Variants in NEK6 observed in about 807,000 individuals in gnomAD.
NEK6 encodes NIMA related kinase 6, also known as serine/threonine-protein kinase Nek6.
A neutral mutation model predicts 43.5 loss-of-function variants in NEK6; 27 were observed. The ratio of observed to expected loss-of-function variants is 0.62; its 90% CI spans 0.46 to 0.86. The LOEUF (loss-of-function observed/expected upper bound fraction) is 0.86, where lower values mean the gene tolerates loss of function less well. Among genes scored for constraint, NEK6 ranks in the 40% least tolerant of loss-of-function variants. The pLI is 0.00. For missense variants in NEK6, 318 were observed against 414.4 expected, an observed-to-expected ratio of 0.77 and a Z score of 2.02; for synonymous variants, 167 against 164.1, an observed-to-expected ratio of 1.02 and a Z score of -0.14.
intron 1 of NEK6, among the ~76,000 whole-genome samples, chr9:124,301,209 T>TG (rs1247549804): frequency 1.3e-5 from 2 of 152,076 alleles, no homozygotes; most frequent in Non-Finnish European, 2.9e-5. Flanking sequence ...GCTAAAATAT[T>TG]GGGGGAGATG....
chr9:124,272,691 C>T (rs756723853), intron 1 of NEK6, among the ~76,000 whole-genome samples: 21 of 152,366 alleles, frequency 1.4e-4, no homozygotes, highest in South Asian at 2.1e-4. Context: ...CCTAACGCTG[C>T]TGGTCATGGA....
At chr9:124,302,524 T>A (rs1181987801) in intron 2 of NEK6, among the ~76,000 whole-genome samples, 1 of 152,216 alleles carries the variant, frequency 6.6e-6, no homozygotes, top group African/African-American at 2.4e-5. Flanking sequence ...CCAGCAGAGT[T>A]TGGGAGAACA....
chr9:124,331,275 A>AC (rs1554854318), intron 7 of NEK6, among the ~76,000 whole-genome samples: 1 of 145,628 alleles, frequency 6.9e-6, no homozygotes, highest in Non-Finnish European at 1.5e-5. Context: ...AAAAAAAAAC[A>AC]AAACATTTTG....
At chr9:124,318,373 C>T (rs182494445) in intron 4 of NEK6, among the ~76,000 whole-genome samples, 1 of 152,156 alleles carries the variant, frequency 6.6e-6, no homozygotes, top group East Asian at 1.9e-4. Context: ...TCCCAAGTAG[C>T]TTGGGCTACA....
At chr9:124,303,614 C>T (rs188916546) in intron 2 of NEK6, among the ~76,000 whole-genome samples, 1 of 152,230 alleles carries the variant, frequency 6.6e-6, no homozygotes, top group African/African-American at 2.4e-5. Flanking sequence ...TGTGTATATG[C>T]ATACACACAA....
At chr9:124,307,085 C>T (rs1049626339) in intron 2 of NEK6, among the ~76,000 whole-genome samples, 2 of 151,050 alleles carry the variant, frequency 1.3e-5, no homozygotes, top group African/African-American at 2.4e-5. Flanking sequence ...ATTAATTGGG[C>T]GAATGCATTT....
intron 1 of NEK6, among the ~76,000 whole-genome samples, chr9:124,269,873 A>C (rs1236455461): frequency 6.6e-6 from 1 of 152,056 alleles, no homozygotes; most frequent in African/African-American, 2.4e-5. Flanking sequence ...GTGGCCCCTG[A>C]GCCTTTGCCT....
At chr9:124,340,346 C>G (rs1012728132) in intron 8 of NEK6, among the ~76,000 whole-genome samples, 1 of 152,246 alleles carries the variant, frequency 6.6e-6, no homozygotes, top group Non-Finnish European at 1.5e-5. Flanking sequence ...ATGAGCCACT[C>G]TTGGCCATGA....
rs1363217484 is a variant in NEK6 at position 124,352,732 on chromosome 9, G to A, written c.*1785G>A. The A allele has an allele frequency of 6.6e-6, 1 of 152,202 alleles. No individual in the cohort carries two copies. The highest frequency in any genetic ancestry group is 1.5e-5 in the Non-Finnish European group (1 of 68,066). 9.4% of individuals were successfully genotyped at this position (152,202 alleles called of 1,614,324 possible). A position where few individuals can be genotyped will look rare whatever the true frequency, so the allele number is the denominator to read the frequency against. On this transcript the variant is annotated 3_prime_UTR_variant, in exon 10 of 10. Coordinates refer to ENST00000320246, the MANE Select transcript of NEK6 (RefSeq NM_014397.6). ...CTCTCCACAGAACAATCAAGTCCCT[G>A]TCGCCTGCCTAGTGCTTACCACTGA...
chr9:124,326,239 C>G lies in NEK6; in HGVS notation c.406-91C>G. On this transcript the variant is annotated intron_variant, in intron 5 of 9. Transcript: ENST00000320246. The surrounding 1 kb of genome is among the most constrained non-coding windows in gnomAD (Gnocchi z 4.5). The stretch of plus-strand genomic sequence containing the variant: ...GCCCCTGCCAGGCACCAGTTACCCA[C>G]TGGGGAAAGGACAGAGGCAGTGCCC... The G allele has an allele frequency of 2.8e-6, 1 of 353,202 alleles. No homozygotes were observed. The highest frequency in any genetic ancestry group is 5.1e-5 in the East Asian group (1 of 19,648). 21.9% of individuals were successfully genotyped at this position (353,202 alleles called of 1,614,324 possible). A position where few individuals can be genotyped will look rare whatever the true frequency, so the allele number is the denominator to read the frequency against.
intron 8 of NEK6, among the ~76,000 whole-genome samples, chr9:124,347,237 C>T (rs1055772199): frequency 1.3e-5 from 2 of 152,236 alleles, no homozygotes; most frequent in Non-Finnish European, 2.9e-5. Context: ...AATGCCTCAC[C>T]CTTCTCCGGC....
intron 6 of NEK6, 23 bp from the exon 7 acceptor site, chr9:124,327,315 A>G (rs1326869110): frequency 6.2e-7 from 1 of 1,608,082 alleles, no homozygotes; most frequent in Non-Finnish European, 8.5e-7. Flanking sequence ...CCCCACACCA[A>G]TCTCCTTCTC....
chr9:124,296,732 G>T (rs1278177649), intron 1 of NEK6, among the ~76,000 whole-genome samples: 1 of 152,224 alleles, frequency 6.6e-6, no homozygotes. Flanking sequence ...AGCCCTCCTG[G>T]TGTCTGAGGT....
At chr9:124,281,423 C>G (rs781223197) in intron 1 of NEK6, among the ~76,000 whole-genome samples, 73 of 151,840 alleles carry the variant, frequency 4.8e-4, no homozygotes, top group Non-Finnish European at 8.1e-4. Flanking sequence ...TCCGCGGACC[C>G]ACGGTGAAAT....
intron 1 of NEK6, among the ~76,000 whole-genome samples, chr9:124,262,178 C>T (rs1389227775): frequency 6.6e-6 from 1 of 152,120 alleles, no homozygotes; most frequent in Non-Finnish European, 1.5e-5. Flanking sequence ...TCACTTATGA[C>T]TCTTGGGTAA....
chr9:124,312,744 C>T (rs1226423288), intron 3 of NEK6, 95 bp downstream of exon 3: 3 of 1,269,162 alleles, frequency 2.4e-6, no homozygotes, highest in Non-Finnish European at 3.2e-6. Context: ...CTCCCCTCTT[C>T]TGTGAACGAG....
chr9:124,351,552 C>T lies in NEK6; in HGVS notation c.*605C>T, dbSNP rs542924073. ...TGGCCAGAGTGTCACAGGCAAAAGG[C>T]ATCGGGAAGCAGGAGCATCTTCTTG... On this transcript the variant is annotated 3_prime_UTR_variant, in exon 10 of 10. Coordinates refer to ENST00000320246, the MANE Select transcript of NEK6 (RefSeq NM_014397.6). The T allele has an allele frequency of 4.6e-5, 7 of 152,380 alleles. No homozygotes were observed. The highest frequency in any genetic ancestry group is 1.7e-4 in the African/African-American group (7 of 41,548). 9.4% of individuals were successfully genotyped at this position (152,380 alleles called of 1,614,324 possible).
rs554293543 is a variant in NEK6, at chr9:124,309,693, G to A, written c.91-2816G>A. Among the ~76,000 whole-genome samples the A allele has an allele frequency of 7.2e-4, 109 of 152,352 alleles. 2 individuals are homozygous for A. The highest frequency in any genetic ancestry group is 2.5e-3 in the African/African-American group (104 of 41,584). On this transcript the variant is annotated intron_variant, in intron 2 of 9. Transcript: ENST00000320246. ...AACTAGCACATAGTAGGCGTCTAACGTACAACACCTCATGGTTATTTTTAT... is the reference window on the plus strand; with the variant it reads ...AACTAGCACATAGTAGGCGTCTAACATACAACACCTCATGGTTATTTTTAT...
intron 7 of NEK6, among the ~76,000 whole-genome samples, chr9:124,333,920 GGC>G (rs1407253187): frequency 6.6e-6 from 1 of 152,082 alleles, no homozygotes; most frequent in Admixed American, 6.6e-5. Context: ...TGGGAGTACA[GGC>G]GCGTGCCACC....
Sources: gnomAD v4.1 joint callset for allele counts (sites outside exome capture counted in the v4.1 genomes callset) on GRCh38, gnomAD v4.1.1 for gene constraint, Gnocchi (gnomAD v3.1) non-coding constraint, MANE v1.5 for transcripts, NCBI Gene and HGNC (gene_info 2026-07-23, HGNC 2026-07-21) for gene names.